Variants in ARMC9 observed in about 807,000 individuals in gnomAD.
The protein encoded by ARMC9 is lisH domain-containing protein ARMC9.
ARMC9 carries 94 observed loss-of-function variants against 107.0 expected under a neutral mutation model. The observed-to-expected ratio is 0.88, with a 90% CI of 0.74 to 1.04. The LOEUF is 1.04. ARMC9 is among the 50% of genes least tolerant of loss of function. The pLI, the probability that ARMC9 is intolerant of heterozygous loss-of-function variation, is 0.00. For synonymous variants in ARMC9, 380 were observed against 396.9 expected (o/e 0.96, Z 0.51); for missense variants, 942 against 1,030.1 (o/e 0.91, Z 1.17).
chr2:231,369,203 A>G (rs564600185), intron 23 of ARMC9, among the ~76,000 whole-genome samples: 13 of 152,214 alleles, frequency 8.5e-5, no homozygotes, highest in Non-Finnish European at 1.6e-4. Context: ...CCAAGGCTCC[A>G]TGGCATGGGG....
At chr2:231,254,016 G>A (rs778207016) in intron 9 of ARMC9, among the ~76,000 whole-genome samples, 3 of 152,102 alleles carry the variant, frequency 2.0e-5, no homozygotes, top group Non-Finnish European at 4.4e-5. Flanking sequence ...GCATTTTGAG[G>A]TGATGTTGGA....
At chr2:231,355,745 TCC>T in intron 21 of ARMC9, 51 bp from the exon 22 acceptor site, 1 of 1,492,176 alleles carries the variant, frequency 6.7e-7, no homozygotes, top group African/African-American at 1.4e-5. Context: ...CAGTCGGCAG[TCC>T]GAATCTCCTG....
chr2:231,354,174 G>A (rs1436947456), intron 21 of ARMC9, among the ~76,000 whole-genome samples: 1 of 147,882 alleles, frequency 6.8e-6, no homozygotes, highest in African/African-American at 2.5e-5. Context: ...GCTCACGCCT[G>A]TAATCCTAGG....
At chr2:231,242,650 G>T (rs12612219) in intron 9 of ARMC9, among the ~76,000 whole-genome samples, 30,931 of 151,944 alleles carry the variant, frequency 0.2, 3,312 homozygotes, top group Non-Finnish European at 0.21. Context: ...GCATGACAGG[G>T]TCTGTCTACT....
intron 17 of ARMC9, among the ~76,000 whole-genome samples, chr2:231,286,645 T>C (rs1161310610): frequency 2.0e-5 from 3 of 152,226 alleles, no homozygotes; most frequent in Non-Finnish European, 1.5e-5. Context: ...GAAATTATGA[T>C]TCTTTTGCTC....
chr2:231,340,851 G>T (rs1216297852), intron 20 of ARMC9, among the ~76,000 whole-genome samples: 1 of 152,158 alleles, frequency 6.6e-6, no homozygotes, highest in Non-Finnish European at 1.5e-5. Context: ...TCGCGCCACT[G>T]TACTGCCGCC....
intron 23 of ARMC9, among the ~76,000 whole-genome samples, chr2:231,368,515 AAGC>A (rs939923041): frequency 2.0e-5 from 3 of 152,248 alleles, no homozygotes; most frequent in African/African-American, 7.2e-5. Flanking sequence ...AGACTCATAA[AAGC>A]AGAGTGGTAA....
At chr2:231,268,761 T>C (rs2039062878) in intron 12 of ARMC9, among the ~76,000 whole-genome samples, 1 of 152,186 alleles carries the variant, frequency 6.6e-6, no homozygotes, top group Non-Finnish European at 1.5e-5. Context: ...CCAGTTTTGC[T>C]GTACAGAAAT....
In ARMC9 at chr2:231,354,263, T is replaced by TAAAAAAA. The variant is rs759691541; in HGVS notation, c.1995-1518_1995-1512dup. Reference sequence around the variant, plus strand: ...AGTCAACACAGACCTCATCTCCATTTAAAAAAAAAAAAAAAAAAAAAAAGA... The same window carrying TAAAAAAA: ...AGTCAACACAGACCTCATCTCCATTTAAAAAAAAAAAAAAAAAAAAAAAAAAAAAAGA... On this transcript the variant is annotated intron_variant, in intron 21 of 24. Transcript: ENST00000611582. 2.6e-3 allele frequency among the ~76,000 whole-genome samples: 258 copies of TAAAAAAA among 100,394 alleles called. 6 individuals are homozygous for TAAAAAAA. Among genetic ancestry groups the TAAAAAAA allele is most frequent in the African/African-American group, 0.012 (248 of 21,348 alleles). The allele number at this position is 100,394 out of a possible 152,430, so 65.9% of individuals were successfully genotyped here. A position where few individuals can be genotyped will look rare whatever the true frequency, so the allele number is the denominator to read the frequency against.
At position 231,286,305 on chromosome 2, in the gene ARMC9, G is replaced by A. The variant is rs575998642; in HGVS notation, c.1626+4172G>A. ...TAATGTTTGTATTTTTAGTAGAGAC[G>A]GGGTTTCACCGTGTTGGCCAGGCTG... On this transcript the variant is annotated intron_variant, in intron 17 of 24. Coordinates refer to ENST00000611582, the MANE Select transcript of ARMC9 (RefSeq NM_001352754.2). Among the ~76,000 whole-genome samples the A allele has an allele frequency of 5.7e-4, 86 of 152,160 alleles. 1 individual carries two copies. The South Asian group carries it at 0.013, about 23-fold the overall frequency.
At chr2:231,221,581 C>T (rs989524038) in intron 5 of ARMC9, among the ~76,000 whole-genome samples, 3 of 151,662 alleles carry the variant, frequency 2.0e-5, no homozygotes, top group African/African-American at 7.3e-5. Flanking sequence ...GTAATCCCAG[C>T]ACTTTGGAAG....
rs775351588 is a variant in ARMC9, at chr2:231,272,940, C to T, written c.1211-15C>T. The T allele has an allele frequency of 1.2e-6, 2 of 1,607,104 alleles. No individual in the cohort carries two copies. The highest frequency in any genetic ancestry group is 1.7e-6 in the Non-Finnish European group (2 of 1,178,068). ...TTTCTGTCTTTCACCTGTTTCATCTCTGGTGTATTATCAGGTCGCCTCTAC... is the reference window on the plus strand; with the variant it reads ...TTTCTGTCTTTCACCTGTTTCATCTTTGGTGTATTATCAGGTCGCCTCTAC... On this transcript the variant is annotated splice_polypyrimidine_tract_variant and intron_variant, in intron 13 of 24. Transcript: ENST00000611582.
intron 20 of ARMC9, among the ~76,000 whole-genome samples, chr2:231,333,670 G>T (rs921463852): frequency 2.0e-5 from 3 of 152,204 alleles, no homozygotes; most frequent in African/African-American, 7.2e-5. Context: ...GGCAGGCGGT[G>T]AGGAAAACAG....
intron 7 of ARMC9, among the ~76,000 whole-genome samples, chr2:231,227,661 A>T (rs1269221783): frequency 6.6e-6 from 1 of 152,220 alleles, no homozygotes. Context: ...TAATTAGTAA[A>T]TTATTTAGCT....
intron 1 of ARMC9, among the ~76,000 whole-genome samples, chr2:231,201,055 T>C (rs1023445695): frequency 6.6e-5 from 10 of 151,892 alleles, no homozygotes; most frequent in East Asian, 1.9e-4. Context: ...CAGTGTGGGA[T>C]TGGTGGAAGG....
chr2:231,280,310 T>C (rs2040106484), intron 16 of ARMC9, among the ~76,000 whole-genome samples: 1 of 152,040 alleles, frequency 6.6e-6, no homozygotes, highest in African/African-American at 2.4e-5. Context: ...ATACAAAAAT[T>C]AGCCAGGCAT....
intron 19 of ARMC9, among the ~76,000 whole-genome samples, chr2:231,329,936 G>T (rs1257997208): frequency 6.6e-6 from 1 of 152,018 alleles, no homozygotes; most frequent in East Asian, 1.9e-4. Flanking sequence ...GCTTTTATTT[G>T]CTTTTCTTGC....
intron 9 of ARMC9, among the ~76,000 whole-genome samples, chr2:231,246,939 C>T (rs570935341): frequency 6.6e-6 from 1 of 151,498 alleles, no homozygotes; most frequent in African/African-American, 2.4e-5. Flanking sequence ...ACTACAGATA[C>T]ATGTCACCAC....
chr2:231,241,985 T>C (rs1433976680), intron 9 of ARMC9, among the ~76,000 whole-genome samples: 1 of 152,004 alleles, frequency 6.6e-6, no homozygotes, highest in Middle Eastern at 3.2e-3. Flanking sequence ...CAAAACAACA[T>C]ATGTGCTGCA....
Sources: allele counts gnomAD v4.1 joint callset (sites outside exome capture counted in the v4.1 genomes callset), GRCh38; gene constraint gnomAD v4.1.1; transcripts MANE v1.5; gene names NCBI Gene and HGNC (gene_info 2026-07-23, HGNC 2026-07-21).